Variants in CSMD1 observed in about 807,000 individuals in gnomAD.
The protein encoded by CSMD1 is CUB and Sushi multiple domains 1, also known as CUB and sushi domain-containing protein 1.
CSMD1 carries 213 observed loss-of-function variants against 417.5 expected under a neutral mutation model. The observed-to-expected ratio is 0.51, with a 90% CI of 0.46 to 0.57. The LOEUF is 0.57. Ranked by LOEUF, CSMD1 falls within the 20% of genes least tolerant of loss-of-function variation. The pLI, the probability that CSMD1 is intolerant of heterozygous loss-of-function variation, is 0.00. For synonymous variants in CSMD1, 2,862 were observed against 1,736.8 expected (o/e 1.65, Z -16.11); for missense variants, 6,923 against 4,529.7 (o/e 1.53, Z -15.17).
In CSMD1 at chr8:3,941,543, C is replaced by A. The variant is rs192468474; in HGVS notation, c.818+56360G>T. On this transcript the variant is annotated intron_variant, in intron 5 of 69. Transcript: ENST00000635120. ...TGCTTAGTTTTAAAGTGCTCTCTCTCCGAGCAGTGGGTTTCCTTGGATATT... is the reference window on the plus strand; with the variant it reads ...TGCTTAGTTTTAAAGTGCTCTCTCTACGAGCAGTGGGTTTCCTTGGATATT... Among the ~76,000 whole-genome samples, 16 of 152,230 alleles carry A rather than the reference C, an allele frequency of 1.1e-4. No individual in the cohort carries two copies. The East Asian group carries it at 2.7e-3, about 26-fold the overall frequency.
intron 5 of CSMD1, among the ~76,000 whole-genome samples, chr8:3,773,296 G>A (rs1316991393): frequency 6.6e-6 from 1 of 152,130 alleles, no homozygotes; most frequent in Non-Finnish European, 1.5e-5. Flanking sequence ...TTTGGGGAGA[G>A]CTGGTAGGAT....
intron 1 of CSMD1, among the ~76,000 whole-genome samples, chr8:4,722,650 C>G (rs912184231): frequency 6.6e-6 from 1 of 151,986 alleles, no homozygotes. Context: ...GTCTCAGCAT[C>G]TCATTACTAT....
rs189918596 is a variant in CSMD1 at position 3,069,931 on chromosome 8, T to G, written c.7474+17166A>C. On this transcript the variant is annotated intron_variant, in intron 49 of 69. Transcript: ENST00000635120. ...GGTAGAGGCTATCAGGTACTCTTCA[T>G]TCTTGCATTCTGCGCACCTACAGGC... is the stretch of plus-strand genomic sequence containing the variant. Among the ~76,000 whole-genome samples the G allele has an allele frequency of 3.2e-4, 48 of 152,366 alleles. No homozygotes were observed. The East Asian group carries it at 8.3e-3, about 26-fold the overall frequency.
rs565963295 is a variant in CSMD1 at position 3,393,283 on chromosome 8, A to C, written c.2593+2911T>G. Among the ~76,000 whole-genome samples, 6 of 152,222 alleles carry C rather than the reference A, an allele frequency of 3.9e-5. No individual in the cohort carries two copies. In the South Asian group the frequency reaches 1.2e-3, roughly 32 times the overall value. On this transcript the variant is annotated intron_variant, in intron 17 of 69. Transcript: ENST00000635120. Reference sequence around the variant, plus strand: ...CCAAACGCAACAATTTCCTGTCTTCACTCACTAGGTGAGGCCTCTGCTCAC... The same window carrying C: ...CCAAACGCAACAATTTCCTGTCTTCCCTCACTAGGTGAGGCCTCTGCTCAC...
At chr8:3,934,130 T>A (rs1385635235) in intron 5 of CSMD1, among the ~76,000 whole-genome samples, 2 of 152,076 alleles carry the variant, frequency 1.3e-5, no homozygotes, top group Non-Finnish European at 2.9e-5. Flanking sequence ...ATTACCCACT[T>A]CACAAAAAAG....
chr8:3,672,603 T>C (rs566258304), intron 7 of CSMD1, among the ~76,000 whole-genome samples: 16 of 152,368 alleles, frequency 1.1e-4, no homozygotes, highest in East Asian at 5.8e-4. Context: ...CATTTGGCCA[T>C]TGTCTACTCT....
At chr8:4,404,060 T>C (rs920854629) in intron 3 of CSMD1, among the ~76,000 whole-genome samples, 1 of 152,204 alleles carries the variant, frequency 6.6e-6, no homozygotes, top group Non-Finnish European at 1.5e-5. Flanking sequence ...AAAAACACTC[T>C]ACGCCAGAGC....
At chr8:4,666,728 G>C (rs1161110768) in intron 1 of CSMD1, among the ~76,000 whole-genome samples, 3 of 152,002 alleles carry the variant, frequency 2.0e-5, no homozygotes, top group Non-Finnish European at 4.4e-5. Flanking sequence ...ACTGAGATTT[G>C]AGAGTTCTTC....
At chr8:4,471,555 T>C (rs1246810815) in intron 2 of CSMD1, among the ~76,000 whole-genome samples, 1 of 151,984 alleles carries the variant, frequency 6.6e-6, no homozygotes, top group Non-Finnish European at 1.5e-5. Context: ...CAGTGCATGG[T>C]GTTTAATAAC....
chr8:4,834,749 G>T (rs952060496), intron 1 of CSMD1, among the ~76,000 whole-genome samples: 1 of 151,752 alleles, frequency 6.6e-6, no homozygotes, highest in African/African-American at 2.4e-5. Context: ...GACATCAGGA[G>T]ATCGAGACCA....
chr8:4,383,037 T>C (rs1358326749), intron 3 of CSMD1, among the ~76,000 whole-genome samples: 4 of 152,180 alleles, frequency 2.6e-5, no homozygotes, highest in South Asian at 2.1e-4. Context: ...AATATTCTGG[T>C]CTCTGTCAGC....
At chr8:3,040,743 G>C (rs940036195) in intron 50 of CSMD1, among the ~76,000 whole-genome samples, 1 of 152,078 alleles carries the variant, frequency 6.6e-6, no homozygotes, top group Non-Finnish European at 1.5e-5. Flanking sequence ...ACAGAGGTTA[G>C]AGCGAGTTGA....
intron 2 of CSMD1, among the ~76,000 whole-genome samples, chr8:4,501,064 A>C (rs185932380): frequency 3.5e-4 from 54 of 152,274 alleles, no homozygotes; most frequent in African/African-American, 1.2e-3. Flanking sequence ...AGTGGGCCAA[A>C]AAAGATATAA....
chr8:4,162,383 T>G (rs755417965), intron 3 of CSMD1, among the ~76,000 whole-genome samples: 12 of 152,190 alleles, frequency 7.9e-5, no homozygotes, highest in Non-Finnish European at 1.5e-4. Flanking sequence ...GTTTTTTGGT[T>G]TTATCTTGAC....
intron 3 of CSMD1, among the ~76,000 whole-genome samples, chr8:4,160,839 G>A (rs771056252): frequency 6.6e-6 from 1 of 152,200 alleles, no homozygotes; most frequent in Non-Finnish European, 1.5e-5. Flanking sequence ...AAAGGAACTT[G>A]AAGTTTCTAA....
chr8:4,225,577 A>G (rs531919489), intron 3 of CSMD1, among the ~76,000 whole-genome samples: 1 of 150,466 alleles, frequency 6.6e-6, no homozygotes, highest in South Asian at 2.1e-4. Context: ...GAGCCTAAAT[A>G]CATCACATTT....
At chr8:4,556,400 G>A (rs948830019) in intron 2 of CSMD1, among the ~76,000 whole-genome samples, 9 of 152,048 alleles carry the variant, frequency 5.9e-5, no homozygotes, top group Non-Finnish European at 1.0e-4. Context: ...ATTGTAAGCT[G>A]GCAAGACTAC....
chr8:4,817,722 T>C (rs558836908), intron 1 of CSMD1, among the ~76,000 whole-genome samples: 6 of 152,322 alleles, frequency 3.9e-5, no homozygotes, highest in African/African-American at 1.4e-4. Context: ...CATAATTTTG[T>C]TTGTAGTCGA....
intron 5 of CSMD1, among the ~76,000 whole-genome samples, chr8:3,831,856 C>T (rs1412593576): frequency 6.6e-6 from 1 of 152,168 alleles, no homozygotes; most frequent in African/African-American, 2.4e-5. Context: ...GTTCATATAA[C>T]ATAGCATCTT....
Sources: gnomAD v4.1 joint callset for allele counts (sites outside exome capture counted in the v4.1 genomes callset) on GRCh38, gnomAD v4.1.1 for gene constraint, MANE v1.5 for transcripts, NCBI Gene and HGNC (gene_info 2026-07-23, HGNC 2026-07-21) for gene names.